ANO1: variants seen among roughly 807,000 people sequenced by gnomAD.
The protein encoded by ANO1 is anoctamin 1.
Under a neutral mutation model 124.0 loss-of-function variants are expected in ANO1, and 59 were observed. The ratio of observed to expected loss-of-function variants is 0.48; its 90% CI spans 0.39 to 0.59. The LOEUF is 0.59. ANO1 is among the 20% of genes least tolerant of loss of function. The pLI is 0.00. For missense variants in ANO1, 1,059 were observed against 1,328.0 expected, an observed-to-expected ratio of 0.80 and a Z score of 3.15; for synonymous variants, 529 against 532.0, an observed-to-expected ratio of 0.99 and a Z score of 0.08.
chr11:70,184,536 A>G (rs2049036761), intron 24 of ANO1, among the ~76,000 whole-genome samples: 1 of 152,110 alleles, frequency 6.6e-6, no homozygotes, highest in Non-Finnish European at 1.5e-5. Flanking sequence ...AGTTCCTTCA[A>G]GATAAGGAGG....
Position 70,185,839 on chromosome 11 carries a change from C to G in ANO1, c.2694+144C>G, listed in dbSNP as rs1218896516. On this transcript the variant is annotated intron_variant, in intron 25 of 25. Coordinates refer to ENST00000355303, the MANE Select transcript of ANO1 (RefSeq NM_018043.7). ...GCTTGGAGAACTTGCTCTGGGACAC[C>G]CGAGGAGGGGACTTGGCCGACCCCA... 4.4e-6 allele frequency: 4 copies of G among 914,606 alleles called. No homozygotes were observed. In the African/African-American group the frequency reaches 6.7e-5, roughly 15 times the overall value. The allele number at this position is 914,606 out of a possible 1,614,324, so 56.7% of individuals were successfully genotyped here.
Position 70,000,733 on chromosome 11 carries a change from C to T in ANO1, c.58+14567C>T, listed in dbSNP as rs77565189. On this transcript the variant is annotated intron_variant, in intron 1 of 27. Coordinates refer to the ANO1 transcript ENST00000531349. ...CCCAGTAGCATTGTTCATGATAGCC[C>T]GCAACTGGAAGCTCCTGCAGAGACT... 6.8e-4 allele frequency among the ~76,000 whole-genome samples: 103 copies of T among 151,992 alleles called. No individual in the cohort carries two copies. In the East Asian group the frequency reaches 0.017, roughly 25 times the overall value.
chr11:70,067,588 A>C (rs1175007334), intron 1 of ANO1, among the ~76,000 whole-genome samples: 1 of 152,128 alleles, frequency 6.6e-6, no homozygotes, highest in Non-Finnish European at 1.5e-5. Flanking sequence ...TCAGCCTCCC[A>C]AAGAGTTGGG....
rs571837605 is a variant in ANO1, at chr11:70,093,803, G to A, written c.441+5719G>A. On this transcript the variant is annotated intron_variant, in intron 2 of 25. Transcript: ENST00000355303. The stretch of plus-strand genomic sequence containing the variant: ...AGTGAGGGCGGACTCCATGGGAGAA[G>A]GGCTGCTTTCAGACAAAGCCCACGG... 2.6e-3 allele frequency among the ~76,000 whole-genome samples: 395 copies of A among 152,352 alleles called. 1 individual carries two copies. The highest frequency in any genetic ancestry group is 8.3e-3 in the African/African-American group (347 of 41,576).
chr11:70,128,158 C>G (rs961031545), intron 10 of ANO1, among the ~76,000 whole-genome samples: 8 of 147,902 alleles, frequency 5.4e-5, no homozygotes, highest in African/African-American at 2.0e-4. Context: ...CTAAAATATT[C>G]CACCCCACCC....
chr11:70,022,246 C>G (rs1021441491), intron 1 of ANO1, among the ~76,000 whole-genome samples: 1 of 152,170 alleles, frequency 6.6e-6, no homozygotes. Flanking sequence ...GGCCTCTTCA[C>G]GACTCTGGAC....
chr11:70,003,462 T>A (rs1409223348), intron 1 of ANO1, among the ~76,000 whole-genome samples: 3 of 152,198 alleles, frequency 2.0e-5, no homozygotes, highest in Non-Finnish European at 4.4e-5. Flanking sequence ...GGCATTCTTG[T>A]ATGGAAAGTG....
intron 24 of ANO1, among the ~76,000 whole-genome samples, 185 bp from the exon 25 acceptor site, chr11:70,185,405 C>G (rs2049072547): frequency 6.6e-6 from 1 of 152,296 alleles, no homozygotes; most frequent in African/African-American, 2.4e-5. Context: ...CCAACCCCCT[C>G]CACTGTGGAG....
rs192448596 is a variant in ANO1 at position 70,036,417 on chromosome 11, G to A, written c.59-42125G>A. ...TCTATAAAACCCTCATTTCAAATAA[G>A]TTCACGGTCACAGGTTCTGAGGTTA... On this transcript the variant is annotated intron_variant, in intron 1 of 27. Coordinates refer to the ANO1 transcript ENST00000531349. Among the ~76,000 whole-genome samples the A allele has an allele frequency of 2.7e-3, 413 of 152,198 alleles. 1 individual carries two copies. Among genetic ancestry groups the A allele is most frequent in the African/African-American group, 9.8e-3 (405 of 41,538 alleles).
rs1857557883 is a variant in ANO1, at chr11:70,060,905, G to C, written c.59-17637G>C. Among the ~76,000 whole-genome samples the C allele has an allele frequency of 2.0e-5, 3 of 152,294 alleles. No individual in the cohort carries two copies. In the South Asian group the frequency reaches 6.2e-4, roughly 32 times the overall value. ...GGAGTTGTCTCCAGGGCCTTTCTGA[G>C]AGAGCAAAAGGAGGAATGGGGAAAA... On this transcript the variant is annotated intron_variant, in intron 1 of 27. Transcript: ENST00000531349.
chr11:70,150,591 A>G (rs914095240), intron 12 of ANO1, among the ~76,000 whole-genome samples: 5 of 152,096 alleles, frequency 3.3e-5, no homozygotes, highest in African/African-American at 1.2e-4. Flanking sequence ...CTGCGGTGCA[A>G]TGGCATGATC....
chr11:70,021,473 G>A (rs1183221474), intron 1 of ANO1, among the ~76,000 whole-genome samples: 1 of 130,942 alleles, frequency 7.6e-6, no homozygotes, highest in Admixed American at 7.7e-5. Context: ...TGTTGTTGTT[G>A]TTTCTTTTTT....
At chr11:70,170,556 T>C (rs1374626979) in intron 21 of ANO1, among the ~76,000 whole-genome samples, 4 of 152,200 alleles carry the variant, frequency 2.6e-5, no homozygotes, top group Admixed American at 2.0e-4. Flanking sequence ...TGTGCCACTG[T>C]ACTCCAGCGT....
In ANO1 at chr11:70,108,301, C is replaced by T. The variant is rs573502709; in HGVS notation, c.748-52C>T. On this transcript the variant is annotated intron_variant, in intron 5 of 25. Coordinates refer to ENST00000355303, the MANE Select transcript of ANO1 (RefSeq NM_018043.7). ...CCAGCCACAGCAGACTGTTTCTGCT[C>T]GTGGAAGGTGCCTTAAGTAACTGCT... The T allele has an allele frequency of 8.4e-4, 1,309 of 1,565,826 alleles. 6 individuals carry two copies. Among genetic ancestry groups the T allele is most frequent in the Non-Finnish European group, 3.9e-4 (442 of 1,139,196 alleles).
intron 11 of ANO1, among the ~76,000 whole-genome samples, chr11:70,135,643 C>A (rs1238851001): frequency 6.6e-6 from 1 of 152,192 alleles, no homozygotes; most frequent in Non-Finnish European, 1.5e-5. Context: ...CAGAACTGGG[C>A]CTCCCTCCTC....
At chr11:70,084,002 A>T (rs1163869261) in intron 1 of ANO1, among the ~76,000 whole-genome samples, 1 of 152,130 alleles carries the variant, frequency 6.6e-6, no homozygotes, top group Non-Finnish European at 1.5e-5. Context: ...GCTGAGAAGG[A>T]CAGAAAGGGC....
Position 70,163,290 on chromosome 11 carries a change from G to A in ANO1, c.1900G>A (p.Gly634Arg). 6.2e-7 allele frequency: 1 copy of A among 1,613,530 alleles called. No homozygotes were observed. Among genetic ancestry groups the A allele is most frequent in the Non-Finnish European group, 8.5e-7 (1 of 1,179,850 alleles). ...YVAFFKGRFVGRPGDYVYIFR... is the reference protein window; with the variant it reads ...YVAFFKGRFVRRPGDYVYIFR... ...CCTCCCCCATCGTTTCAGGTTTGTT[G>A]GACGCCCGGGCGACTACGTGTACAT... Residue 634 changes from glycine to arginine, a missense_variant, in exon 19 of 26, where the codon GGA (glycine) becomes AGA (arginine). Transcript: ENST00000355303.
chr11:70,013,565 G>A (rs1434866953), intron 1 of ANO1, among the ~76,000 whole-genome samples: 1 of 152,078 alleles, frequency 6.6e-6, no homozygotes, highest in African/African-American at 2.4e-5. Context: ...GATCACCTGA[G>A]GCCAGGAGTT....
intron 2 of ANO1, among the ~76,000 whole-genome samples, chr11:70,088,402 G>A (rs1353956419): frequency 6.6e-6 from 1 of 151,878 alleles, no homozygotes; most frequent in African/African-American, 2.4e-5. Context: ...CCCCCTACTC[G>A]GGAGGCTGAG....
Sources: gnomAD v4.1 joint callset for allele counts (sites outside exome capture counted in the v4.1 genomes callset) on GRCh38, gnomAD v4.1.1 for gene constraint, MANE v1.5 for transcripts, NCBI Gene and HGNC (gene_info 2026-07-23, HGNC 2026-07-21) for gene names.